The following NALF1 variants were observed in gnomAD, a reference collection of about 807,000 sequenced individuals.
NALF1 encodes the protein NALCN channel auxiliary factor 1.
A neutral mutation model predicts 48.4 loss-of-function variants in NALF1; 3 were observed. The ratio of observed to expected loss-of-function variants is 0.06; its 90% CI spans 0.03 to 0.16. NALF1 has a LOEUF of 0.16. Ranked by LOEUF, NALF1 falls within the 10% of genes least tolerant of loss-of-function variation. NALF1 has a pLI of 1.00. For missense variants in NALF1, 526 were observed against 571.5 expected, an observed-to-expected ratio of 0.92 and a Z score of 0.81; for synonymous variants, 262 against 245.7, an observed-to-expected ratio of 1.07 and a Z score of -0.62.
chr13:107,726,912 CTTGTGTGTGTGTGTGTGTGT>C (rs1876169728), intron 1 of NALF1, among the ~76,000 whole-genome samples: 1 of 97,352 alleles, frequency 1.0e-5, no homozygotes, highest in Admixed American at 9.8e-5. Context: ...CCGGCAAATT[CTTGTGTGTGTGTGTGTGTGT>C]GTGTGTGTGT....
chr13:107,390,884 T>TAAC (rs1352804581), intron 1 of NALF1, among the ~76,000 whole-genome samples: 2 of 121,718 alleles, frequency 1.6e-5, no homozygotes, highest in Non-Finnish European at 3.9e-5. Context: ...AGGTTAATAA[T>TAAC]AATAATAATA....
intron 1 of NALF1, among the ~76,000 whole-genome samples, chr13:107,679,228 A>C (rs9583189): frequency 0.021 from 3,216 of 152,364 alleles, 66 homozygotes; most frequent in South Asian, 0.053. Context: ...ACATCAAAAA[A>C]AATTATGGCA....
rs1414480998 is a variant in NALF1 at position 107,565,712 on chromosome 13, G to A, written c.915+299970C>T. ...AAATCATGTGTGTGTACATACATGT[G>A]TGTATGAGTGTATCAGTCTCAGGTT... is the stretch of plus-strand genomic sequence containing the variant. On this transcript the variant is annotated intron_variant, in intron 1 of 2. Coordinates refer to ENST00000375915, the MANE Select transcript of NALF1 (RefSeq NM_001080396.3). Among the ~76,000 whole-genome samples, 5 of 152,272 alleles carry A rather than the reference G, an allele frequency of 3.3e-5. No individual in the cohort carries two copies. In the South Asian group the frequency reaches 1.0e-3, roughly 32 times the overall value.
intron 1 of NALF1, among the ~76,000 whole-genome samples, chr13:107,406,299 A>G (rs1262068311): frequency 6.6e-6 from 1 of 152,110 alleles, no homozygotes; most frequent in African/African-American, 2.4e-5. Flanking sequence ...AAGTGGATGA[A>G]TGGATAAAAA....
chr13:107,515,719 AC>A (rs1555305881), intron 1 of NALF1, among the ~76,000 whole-genome samples: 2 of 152,170 alleles, frequency 1.3e-5, no homozygotes, highest in Non-Finnish European at 2.9e-5. Context: ...CCTGTACATT[AC>A]GTTTCCCACA....
intron 1 of NALF1, among the ~76,000 whole-genome samples, chr13:107,390,423 A>G (rs1883604110): frequency 6.6e-6 from 1 of 152,126 alleles, no homozygotes; most frequent in Admixed American, 6.5e-5. Flanking sequence ...ACATAAATTG[A>G]CATTAGAAAG....
At chr13:107,329,900 C>T (rs1252805382) in intron 1 of NALF1, among the ~76,000 whole-genome samples, 1 of 152,118 alleles carries the variant, frequency 6.6e-6, no homozygotes, top group Non-Finnish European at 1.5e-5. Flanking sequence ...GATTTTATTG[C>T]CTAACTTTAC....
At chr13:107,828,923 G>A (rs751380800) in intron 1 of NALF1, among the ~76,000 whole-genome samples, 3 of 152,084 alleles carry the variant, frequency 2.0e-5, no homozygotes, top group Non-Finnish European at 4.4e-5. Context: ...TCATTACCTG[G>A]ACAAGGACAT....
At chr13:107,271,925 C>T (rs948796099) in intron 1 of NALF1, among the ~76,000 whole-genome samples, 1 of 151,002 alleles carries the variant, frequency 6.6e-6, no homozygotes, top group Non-Finnish European at 1.5e-5. Context: ...AATATGAGCA[C>T]ATAACTCTCT....
intron 1 of NALF1, among the ~76,000 whole-genome samples, chr13:107,579,741 T>G (rs2138409417): frequency 6.6e-6 from 1 of 152,204 alleles, no homozygotes; most frequent in South Asian, 2.1e-4. Flanking sequence ...GTTACATATG[T>G]ATACATGTGC....
intron 1 of NALF1, among the ~76,000 whole-genome samples, chr13:107,522,610 A>ATT (rs35745004): frequency 1.7e-4 from 24 of 144,686 alleles, no homozygotes; most frequent in South Asian, 1.5e-3. Flanking sequence ...AAATATCCAG[A>ATT]TTTTTTTTTT....
rs925037787 is a variant in NALF1 at position 107,773,686 on chromosome 13, A to G, written c.915+91996T>C. Among the ~76,000 whole-genome samples, 5 of 133,270 alleles carry G rather than the reference A, an allele frequency of 3.8e-5. No homozygotes were observed. In the East Asian group the frequency reaches 1.2e-3, roughly 32 times the overall value. 87.4% of individuals were successfully genotyped at this position (133,270 alleles called of 152,430 possible). A position where few individuals can be genotyped will look rare whatever the true frequency, so the allele number is the denominator to read the frequency against. On this transcript the variant is annotated intron_variant, in intron 1 of 2. Transcript: ENST00000375915. ...TAGGTGGGAATTGAACAATGAGAAC[A>G]CATGGACACAGGAAGGGGAACATCG...
intron 1 of NALF1, among the ~76,000 whole-genome samples, chr13:107,213,398 G>A (rs540057677): frequency 1.8e-4 from 27 of 152,130 alleles, no homozygotes; most frequent in African/African-American, 6.3e-4. Flanking sequence ...CGACCTCTCC[G>A]GCCAGGCTCC....
chr13:107,244,332 C>G (rs762020829), intron 1 of NALF1, among the ~76,000 whole-genome samples: 14 of 152,214 alleles, frequency 9.2e-5, no homozygotes, highest in Non-Finnish European at 2.1e-4. Flanking sequence ...TATGTGCTGT[C>G]ACTTTCAAGA....
chr13:107,813,557 C>G (rs1345657834), intron 1 of NALF1, among the ~76,000 whole-genome samples: 2 of 151,918 alleles, frequency 1.3e-5, no homozygotes, highest in Admixed American at 6.6e-5. Flanking sequence ...TATTATATTA[C>G]ACATGTACTA....
chr13:107,834,328 T>C (rs1419713490), intron 1 of NALF1, among the ~76,000 whole-genome samples: 1 of 152,302 alleles, frequency 6.6e-6, no homozygotes, highest in East Asian at 1.9e-4. Flanking sequence ...TTAGGACAAC[T>C]GTGGTCAATT....
chr13:107,406,127 A>G (rs1162034151), intron 1 of NALF1, among the ~76,000 whole-genome samples: 1 of 152,038 alleles, frequency 6.6e-6, no homozygotes, highest in East Asian at 1.9e-4. Flanking sequence ...CAACAAACAC[A>G]TCTAGGAAAA....
At chr13:107,571,885 TAGAAG>T (rs897993541) in intron 1 of NALF1, among the ~76,000 whole-genome samples, 1 of 152,160 alleles carries the variant, frequency 6.6e-6, no homozygotes, top group Non-Finnish European at 1.5e-5. Flanking sequence ...TATGTTTGAG[TAGAAG>T]AGTAGTTTTT....
chr13:107,562,762 A>C (rs766052365), intron 1 of NALF1, among the ~76,000 whole-genome samples: 3 of 152,228 alleles, frequency 2.0e-5, no homozygotes, highest in Non-Finnish European at 4.4e-5. Flanking sequence ...ACCAGAATAA[A>C]TTAAATGTGG....
Sources: gnomAD v4.1 joint callset for allele counts (sites outside exome capture counted in the v4.1 genomes callset) on GRCh38, gnomAD v4.1.1 for gene constraint, MANE v1.5 for transcripts, NCBI Gene and HGNC (gene_info 2026-07-23, HGNC 2026-07-21) for gene names.